FREM1: variants seen among roughly 807,000 people sequenced by gnomAD.
FREM1 encodes the protein FRAS1-related extracellular matrix protein 1.
Under a neutral mutation model 210.1 loss-of-function variants are expected in FREM1, and 220 were observed. That is an observed-to-expected ratio of 1.05 (90% CI 0.94 to 1.17). FREM1 has a LOEUF of 1.17. Ranked by LOEUF, FREM1 falls within the 50% of genes most tolerant of loss-of-function variation. FREM1 has a pLI of 0.00. For synonymous variants in FREM1, 1,189 were observed against 980.2 expected (o/e 1.21, Z -3.98); for missense variants, 3,454 against 2,675.5 (o/e 1.29, Z -6.42).
chr9:14,852,913 T>C (rs919544109), intron 5 of FREM1, among the ~76,000 whole-genome samples: 3 of 152,194 alleles, frequency 2.0e-5, no homozygotes, highest in East Asian at 1.9e-4. Context: ...TAGTAAAATA[T>C]GCAGAATTTA....
chr9:14,900,147 C>T (rs867729180), intron 1 of FREM1, among the ~76,000 whole-genome samples: 10 of 152,128 alleles, frequency 6.6e-5, no homozygotes, highest in East Asian at 5.8e-4. Flanking sequence ...TTAATGAGAA[C>T]GGGAAACACA....
chr9:14,888,409 C>A (rs1836192646), intron 1 of FREM1, among the ~76,000 whole-genome samples: 1 of 152,280 alleles, frequency 6.6e-6, no homozygotes, highest in South Asian at 2.1e-4. Flanking sequence ...AAGTTTTATT[C>A]CTATAGTATG....
At chr9:14,796,119 T>C (rs923503869) in intron 21 of FREM1, among the ~76,000 whole-genome samples, 1 of 152,214 alleles carries the variant, frequency 6.6e-6, no homozygotes, top group Non-Finnish European at 1.5e-5. Flanking sequence ...CATAATGCTT[T>C]TTAAGAACCT....
intron 4 of FREM1, among the ~76,000 whole-genome samples, chr9:14,858,505 C>CTTT (rs35912803): frequency 1.4e-5 from 2 of 138,424 alleles, no homozygotes; most frequent in Non-Finnish European, 1.6e-5. Context: ...CAGCCACCCA[C>CTTT]TTTTTTTTTT....
chr9:14,880,523 G>C (rs887242590), intron 1 of FREM1, among the ~76,000 whole-genome samples: 2 of 149,348 alleles, frequency 1.3e-5, no homozygotes, highest in Non-Finnish European at 3.0e-5. Flanking sequence ...AGAATCACTT[G>C]AACCCGGGAG....
At chr9:14,791,172 G>T (rs1851237909) in intron 22 of FREM1, 1 of 152,124 alleles carries the variant, frequency 6.6e-6, no homozygotes, top group African/African-American at 2.4e-5. Flanking sequence ...ACCTTCTCAG[G>T]TGACTGATCT....
chr9:14,738,050 G>A (rs1046878751), intron 36 of FREM1, among the ~76,000 whole-genome samples: 1 of 152,154 alleles, frequency 6.6e-6, no homozygotes, highest in Admixed American at 6.5e-5. Context: ...TTATTTAAAT[G>A]TCCTGGTTTT....
intron 12 of FREM1, 42 bp from the exon 13 acceptor site, chr9:14,823,369 A>C (rs1271036106): frequency 6.4e-6 from 10 of 1,568,136 alleles, no homozygotes; most frequent in Non-Finnish European, 8.7e-6. Flanking sequence ...GCTGACTTGC[A>C]AGGATCAAAA....
chr9:14,849,358 C>T (rs1827248165), intron 6 of FREM1, among the ~76,000 whole-genome samples: 1 of 152,186 alleles, frequency 6.6e-6, no homozygotes, highest in African/African-American at 2.4e-5. Context: ...TTTCACTAGA[C>T]ATATTTTTAA....
intron 28 of FREM1, 137 bp from the exon 29 acceptor site, chr9:14,756,583 T>A: frequency 1.7e-6 from 1 of 580,870 alleles, no homozygotes; most frequent in Non-Finnish European, 2.8e-6. Flanking sequence ...TTAAAAAAAT[T>A]ATATAAGCCA....
At chr9:14,778,686 A>G (rs575966447) in intron 24 of FREM1, among the ~76,000 whole-genome samples, 3 of 7,956 alleles carry the variant, frequency 3.8e-4, no homozygotes, top group African/African-American at 7.0e-4. Context: ...GGAGGGAGGG[A>G]AGGGAAGGGA....
At chr9:14,844,393 T>C (rs1337538781) in intron 8 of FREM1, among the ~76,000 whole-genome samples, 2 of 152,006 alleles carry the variant, frequency 1.3e-5, no homozygotes, top group African/African-American at 4.8e-5. Context: ...GCCGGGCTAT[T>C]TTTATGTTTT....
chr9:14,776,142 C>T lies in FREM1; in HGVS notation c.4504G>A (p.Val1502Met), dbSNP rs10961700. 0.15 allele frequency: 232,401 copies of T among 1,575,784 alleles called. 18,662 individuals carry two copies. The highest frequency in any genetic ancestry group is 0.16 in the Non-Finnish European group (189,738 of 1,159,860). The change falls in exon 25 of 37, where the codon GTG becomes ATG. Residue 1502 changes from valine to methionine, a missense_variant. Physicochemically the swap from Val to Met is conservative, Grantham distance 21. Coordinates refer to ENST00000380880, the MANE Select transcript of FREM1 (RefSeq NM_001379081.2). ...HGVFEITLET[V>M]DRALPVVTRN... ...GTTACCACAGGCAGGGCTCTGTCCA[C>T]AGTCTCCAGTGTGATCTCAAACACC...
Position 14,819,351 on chromosome 9 carries a change from T to G in FREM1, c.2429A>C (p.Asp810Ala). Reference protein sequence around the residue: ...ILISDADTKLDNIDLSLRELP... With the variant: ...ILISDADTKLANIDLSLRELP... ...TTCCCGCAGGGAGAGGTCAATATTG[T>G]CCAGCTTGGTATCTGCATCAGAAAT... The change falls in exon 14 of 37, where the codon GAC becomes GCC. Residue 810 changes from aspartate (D) to alanine (A), a missense_variant. Physicochemically the swap from Asp to Ala is moderately radical, Grantham distance 126 (BLOSUM62 -2). Coordinates refer to ENST00000380880, the MANE Select transcript of FREM1 (RefSeq NM_001379081.2). 6.2e-7 allele frequency: 1 copy of G among 1,613,588 alleles called. No individual in the cohort carries two copies. Among genetic ancestry groups the G allele is most frequent in the East Asian group, 2.2e-5 (1 of 44,878 alleles).
Position 14,861,385 on chromosome 9 carries a change from G to A in FREM1, c.330-1901C>T, listed in dbSNP as rs545081720. ...CATATATACACGTATATACATATAT[G>A]TACACATATATATGTAATGGGGTAC... On this transcript the variant is annotated intron_variant, in intron 3 of 36. Coordinates refer to ENST00000380880, the MANE Select transcript of FREM1 (RefSeq NM_001379081.2). 1.6e-4 allele frequency among the ~76,000 whole-genome samples: 23 copies of A among 141,802 alleles called. 3 individuals carry two copies. The South Asian group carries it at 3.6e-3, about 22-fold the overall frequency. The allele number at this position is 141,802 out of a possible 152,430, so 93.0% of individuals were successfully genotyped here. A position where few individuals can be genotyped will look rare whatever the true frequency, so the allele number is the denominator to read the frequency against.
intron 24 of FREM1, among the ~76,000 whole-genome samples, chr9:14,780,433 G>GAAAAAAACAAAAAAAAAAA (rs1849465151): frequency 1.2e-5 from 1 of 81,536 alleles, no homozygotes; most frequent in Non-Finnish European, 2.6e-5. Flanking sequence ...CAGCTCCTCA[G>GAAAAAAACAAAAAAAAAAA]AAAAAAAAAA....
At chr9:14,893,591 T>C (rs965480435) in intron 1 of FREM1, among the ~76,000 whole-genome samples, 1 of 152,226 alleles carries the variant, frequency 6.6e-6, no homozygotes, top group Admixed American at 6.5e-5. Context: ...TTAAAAATAA[T>C]AGGAGCTTAA....
intron 24 of FREM1, among the ~76,000 whole-genome samples, chr9:14,776,451 C>G (rs998833181): frequency 6.6e-6 from 1 of 152,190 alleles, no homozygotes; most frequent in Non-Finnish European, 1.5e-5. Flanking sequence ...TGTGATGGAA[C>G]AGGGAAATTC....
At chr9:14,847,400 A>G (rs867235337) in intron 7 of FREM1, among the ~76,000 whole-genome samples, 8 of 34,812 alleles carry the variant, frequency 2.3e-4, no homozygotes, top group Admixed American at 6.0e-4. Flanking sequence ...AGAGAGAAAA[A>G]GAAGGAAGGA....
Sources: gnomAD v4.1 joint callset for allele counts (sites outside exome capture counted in the v4.1 genomes callset) on GRCh38, gnomAD v4.1.1 for gene constraint, MANE v1.5 for transcripts, NCBI Gene and HGNC (gene_info 2026-07-23, HGNC 2026-07-21) for gene names.